Variants in GPBP1 observed in about 807,000 individuals in gnomAD.
GPBP1 encodes GC-rich promoter binding protein 1, also known as vasculin.
Under a neutral mutation model 56.5 loss-of-function variants are expected in GPBP1, and 13 were observed. The ratio of observed to expected loss-of-function variants is 0.23; its 90% confidence interval spans 0.15 to 0.37. The LOEUF is 0.37. Among genes scored for constraint, GPBP1 ranks in the 10% least tolerant of loss-of-function variants. GPBP1 has a pLI of 1.00. For synonymous variants in GPBP1, 204 were observed against 188.9 expected, an observed-to-expected ratio of 1.08 and a Z score of -0.66; for missense variants, 477 against 572.3, an observed-to-expected ratio of 0.83 and a Z score of 1.70.
At chr5:57,259,137 G>A (rs750552199) in intron 10 of GPBP1, among the ~76,000 whole-genome samples, 2 of 152,210 alleles carry the variant, frequency 1.3e-5, no homozygotes, top group Non-Finnish European at 2.9e-5. Context: ...AATGATTAAT[G>A]CTGACTGTGA....
intron 6 of GPBP1, among the ~76,000 whole-genome samples, chr5:57,245,220 T>C (rs1580068814): frequency 6.6e-6 from 1 of 152,334 alleles, no homozygotes; most frequent in Non-Finnish European, 1.5e-5. Context: ...CAACATGTGT[T>C]TAATTTTTGG....
chr5:57,213,988 A>G (rs570904939), intron 2 of GPBP1, 86 bp from the exon 3 acceptor site: 171 of 634,674 alleles, frequency 2.7e-4, no homozygotes, highest in Admixed American at 1.1e-3. Context: ...ATCCTATAGT[A>G]GTAAGTAGTA....
chr5:57,178,087 A>T (rs1193665707), intron 2 of GPBP1, among the ~76,000 whole-genome samples: 1 of 152,186 alleles, frequency 6.6e-6, no homozygotes, highest in East Asian at 1.9e-4. Context: ...ATCGGTGAGA[A>T]CATTCCACAC....
At chr5:57,201,477 G>T (rs1198260858) in intron 2 of GPBP1, among the ~76,000 whole-genome samples, 1 of 152,140 alleles carries the variant, frequency 6.6e-6, no homozygotes, top group Non-Finnish European at 1.5e-5. Context: ...GTGAGCCACT[G>T]CATCTGGCCA....
intron 3 of GPBP1, among the ~76,000 whole-genome samples, chr5:57,220,993 T>C (rs1158043621): frequency 6.6e-6 from 1 of 152,240 alleles, no homozygotes; most frequent in Non-Finnish European, 1.5e-5. Context: ...GAACAGACAT[T>C]AATTAGTATT....
intron 6 of GPBP1, chr5:57,237,043 T>G: frequency 9.0e-7 from 1 of 1,112,700 alleles, no homozygotes; most frequent in Non-Finnish European, 1.3e-6. Flanking sequence ...GTCAGACACT[T>G]TTGTTAGAAC....
chr5:57,246,279 G>C, intron 6 of GPBP1, 21 bp from the exon 7 acceptor site: 2 of 1,584,858 alleles, frequency 1.3e-6, no homozygotes, highest in Non-Finnish European at 1.7e-6. Flanking sequence ...AGTGACTCTT[G>C]GTCATGCTTT....
intron 3 of GPBP1, among the ~76,000 whole-genome samples, chr5:57,223,270 T>C (rs1485096373): frequency 1.3e-5 from 2 of 152,144 alleles, no homozygotes; most frequent in African/African-American, 4.8e-5. Context: ...TTTGTATTTT[T>C]AGTAGAGACA....
chr5:57,262,531 A>T, intron 11 of GPBP1, 63 bp from the exon 12 acceptor site: 1 of 1,229,286 alleles, frequency 8.1e-7, no homozygotes. Context: ...TCATGCTTAT[A>T]TTATTACAGT....
In GPBP1 at chr5:57,223,326, G is replaced by C. The variant is rs191637425; in HGVS notation, c.64-7520G>C. Among the ~76,000 whole-genome samples, 399 of 152,120 alleles carry C rather than the reference G, an allele frequency of 2.6e-3. 6 individuals carry two copies. The highest frequency in any genetic ancestry group is 2.0e-3 in the Non-Finnish European group (134 of 67,992). On this transcript the variant is annotated intron_variant, in intron 3 of 11. Coordinates refer to ENST00000506184, the MANE Select transcript of GPBP1 (RefSeq NM_022913.4). Reference sequence around the variant, plus strand: ...GATGGTCTTGATCTCCTGACCCCTTGGTCCTCCTACCTCAGCCTCCCAAAG... The same window carrying C: ...GATGGTCTTGATCTCCTGACCCCTTCGTCCTCCTACCTCAGCCTCCCAAAG...
At chr5:57,183,015 A>G (rs956838355) in intron 2 of GPBP1, among the ~76,000 whole-genome samples, 1 of 152,118 alleles carries the variant, frequency 6.6e-6, no homozygotes, top group East Asian at 1.9e-4. Context: ...TTCAAATTAT[A>G]TTTTAAAGCC....
At chr5:57,205,703 AGTT>A (rs1299168833) in intron 2 of GPBP1, among the ~76,000 whole-genome samples, 1 of 151,048 alleles carries the variant, frequency 6.6e-6, no homozygotes, top group East Asian at 1.9e-4. Flanking sequence ...GTTATTGGCC[AGTT>A]GTTTATCTTC....
Position 57,249,459 on chromosome 5 carries a change from T to C in GPBP1, c.855T>C (p.Pro285=), listed in dbSNP as rs948948935. The change falls in exon 9 of 12, where the codon CCT becomes CCC. Residue 285 remains proline, a synonymous_variant. Coordinates refer to ENST00000506184, the MANE Select transcript of GPBP1 (RefSeq NM_022913.4). The stretch of plus-strand genomic sequence containing the variant: ...CTGTTGACAAACTTAATCAGCAGCC[T>C]CGTCTAACCAAACTGACACGAATGC... The part of the protein sequence containing the change: ...SSPVDKLNQQ[P]RLTKLTRMRT... The C allele has an allele frequency of 3.7e-6, 6 of 1,610,338 alleles. No homozygotes were observed. In the African/African-American group the frequency reaches 8.0e-5, roughly 22 times the overall value.
intron 2 of GPBP1, among the ~76,000 whole-genome samples, chr5:57,185,922 T>A (rs1754265644): frequency 6.6e-6 from 1 of 151,946 alleles, no homozygotes; most frequent in Non-Finnish European, 1.5e-5. Context: ...AGGTAGAGGT[T>A]GCAGCCTGGA....
intron 2 of GPBP1, among the ~76,000 whole-genome samples, chr5:57,212,943 A>G (rs1285368849): frequency 2.0e-5 from 3 of 152,000 alleles, no homozygotes; most frequent in Non-Finnish European, 4.4e-5. Context: ...CCCTCCCTCA[A>G]AGTGATGGGA....
At position 57,175,548 on chromosome 5, in the gene GPBP1, A is replaced by G. The variant is rs765926043; in HGVS notation, c.-910A>G. 9 of 398,372 alleles carry G rather than the reference A, an allele frequency of 2.3e-5. No individual in the cohort carries two copies. The highest frequency in any genetic ancestry group is 3.5e-5 in the Non-Finnish European group (8 of 226,024). 24.7% of individuals were successfully genotyped at this position (398,372 alleles called of 1,614,324 possible). Reference sequence around the variant, plus strand: ...TTTGGATTTACAGTGTTTTTGGATAATTTTGCCCCAGAAGTTTATTAAAAT... The same window carrying G: ...TTTGGATTTACAGTGTTTTTGGATAGTTTTGCCCCAGAAGTTTATTAAAAT... On this transcript the variant is annotated 5_prime_UTR_variant, in exon 2 of 12. Transcript: ENST00000506184.
chr5:57,253,643 G>A (rs1406277310), intron 10 of GPBP1, among the ~76,000 whole-genome samples: 11 of 152,174 alleles, frequency 7.2e-5, no homozygotes, highest in Admixed American at 7.2e-4. Context: ...AAATATTGCA[G>A]TATTTTTCTA....
chr5:57,189,675 A>G (rs1159648970), intron 2 of GPBP1, among the ~76,000 whole-genome samples: 2 of 152,192 alleles, frequency 1.3e-5, no homozygotes, highest in African/African-American at 2.4e-5. Context: ...CGATTGTGTC[A>G]TTATTGTGCT....
chr5:57,199,664 A>C (rs898157793), intron 2 of GPBP1, among the ~76,000 whole-genome samples: 3 of 152,114 alleles, frequency 2.0e-5, no homozygotes, highest in East Asian at 3.8e-4. Context: ...CATTTACATT[A>C]GGTATATCTC....
Sources: allele counts gnomAD v4.1 joint callset (sites outside exome capture counted in the v4.1 genomes callset), GRCh38; gene constraint gnomAD v4.1.1; transcripts MANE v1.5; gene names NCBI Gene and HGNC (gene_info 2026-07-23, HGNC 2026-07-21).